DNAJC13: variants seen among roughly 807,000 people sequenced by gnomAD.
DNAJC13 encodes the protein DnaJ heat shock protein family (Hsp40) member C13, also known as dnaJ homolog subfamily C member 13.
Under a neutral mutation model 290.5 loss-of-function variants are expected in DNAJC13, and 75 were observed. The ratio of observed to expected loss-of-function variants is 0.26; its 90% CI spans 0.21 to 0.31. DNAJC13 has a LOEUF of 0.31. Ranked by LOEUF, DNAJC13 falls within the 10% of genes least tolerant of loss-of-function variation. The pLI is 1.00. For synonymous variants in DNAJC13, 862 were observed against 892.0 expected, an observed-to-expected ratio of 0.97 and a Z score of 0.60; for missense variants, 2,260 against 2,674.5, an observed-to-expected ratio of 0.85 and a Z score of 3.42.
At chr3:132,521,141 G>A (rs561580245) in intron 48 of DNAJC13, among the ~76,000 whole-genome samples, 1 of 152,254 alleles carries the variant, frequency 6.6e-6, no homozygotes, top group Non-Finnish European at 1.5e-5. Context: ...ACTCATGCCT[G>A]TAATCCCAGC....
chr3:132,462,777 C>A (rs571562189), intron 16 of DNAJC13, among the ~76,000 whole-genome samples: 22 of 152,260 alleles, frequency 1.4e-4, no homozygotes, highest in African/African-American at 5.3e-4. Flanking sequence ...ATTTTACTTA[C>A]TTAAAAGTTA....
chr3:132,449,263 C>T (rs1225125465), intron 5 of DNAJC13, among the ~76,000 whole-genome samples: 1 of 151,226 alleles, frequency 6.6e-6, no homozygotes, highest in Middle Eastern at 3.2e-3. Context: ...CAGGGTTTCT[C>T]AAAAGTCCTT....
intron 41 of DNAJC13, among the ~76,000 whole-genome samples, chr3:132,504,374 A>G (rs1307837267): frequency 1.3e-5 from 2 of 151,124 alleles, no homozygotes; most frequent in East Asian, 3.9e-4. Context: ...CTAGACGACC[A>G]GGGACCACTC....
chr3:132,478,421 G>A (rs1303154636), intron 24 of DNAJC13, among the ~76,000 whole-genome samples: 1 of 152,194 alleles, frequency 6.6e-6, no homozygotes, highest in Non-Finnish European at 1.5e-5. Context: ...TTGGACAGGT[G>A]TATAAAAGAA....
At chr3:132,460,450 T>TA (rs1933751995) in intron 14 of DNAJC13, 93 bp downstream of exon 14, 5 of 792,566 alleles carry the variant, frequency 6.3e-6, no homozygotes, top group Admixed American at 2.6e-5. Context: ...TTTTTTTTTT[T>TA]ATTGTAGCCC....
intron 16 of DNAJC13, 135 bp from the exon 17 acceptor site, chr3:132,463,561 T>G (rs1933878138): frequency 1.0e-6 from 1 of 962,640 alleles, no homozygotes; most frequent in South Asian, 2.1e-5. Flanking sequence ...TTTGGGTGAT[T>G]AGAAGATGCA....
intron 1 of DNAJC13, among the ~76,000 whole-genome samples, chr3:132,418,453 A>C (rs928581711): frequency 1.3e-5 from 2 of 151,968 alleles, no homozygotes; most frequent in Non-Finnish European, 2.9e-5. Flanking sequence ...CCTTCCCTTA[A>C]ATTTTCTCCT....
chr3:132,467,754 C>T (rs1035927261), intron 20 of DNAJC13, among the ~76,000 whole-genome samples: 2 of 152,090 alleles, frequency 1.3e-5, no homozygotes, highest in South Asian at 2.1e-4. Context: ...CGTGAGCCAC[C>T]GCACCCGGCC....
At chr3:132,516,289 TCA>T in intron 46 of DNAJC13, 131 bp from the exon 47 acceptor site, 1 of 808,530 alleles carries the variant, frequency 1.2e-6, no homozygotes, top group Non-Finnish European at 2.0e-6. Flanking sequence ...AATACCTGTC[TCA>T]CTGGTTATTA....
At chr3:132,522,198 T>G (rs1454025425) in intron 48 of DNAJC13, among the ~76,000 whole-genome samples, 1 of 152,148 alleles carries the variant, frequency 6.6e-6, no homozygotes, top group African/African-American at 2.4e-5. Flanking sequence ...GGAGAAGAGA[T>G]AAACGTGACG....
chr3:132,474,253 T>C (rs1934386643), intron 21 of DNAJC13: 1 of 152,244 alleles, frequency 6.6e-6, no homozygotes, highest in Non-Finnish European at 1.5e-5. Flanking sequence ...TTGTTTTTTG[T>C]TTTTTGAGAT....
chr3:132,475,497 T>C (rs1934440630), intron 22 of DNAJC13, among the ~76,000 whole-genome samples: 1 of 152,190 alleles, frequency 6.6e-6, no homozygotes, highest in Non-Finnish European at 1.5e-5. Context: ...TATTAAAATA[T>C]TGATGTGAAG....
At chr3:132,429,987 C>T (rs1294622881) in intron 1 of DNAJC13, among the ~76,000 whole-genome samples, 1 of 152,124 alleles carries the variant, frequency 6.6e-6, no homozygotes, top group Non-Finnish European at 1.5e-5. Context: ...ATGATATGAA[C>T]TTCTGGAGAA....
In DNAJC13 at chr3:132,479,332, A is replaced by G. The variant is rs375580187; in HGVS notation, c.2772+43A>G. ...ACATACATTGTTATTTCCAAGTCATATAAGTATGTAAGATAAACTCACAGT... is the reference window on the plus strand; with the variant it reads ...ACATACATTGTTATTTCCAAGTCATGTAAGTATGTAAGATAAACTCACAGT... On this transcript the variant is annotated intron_variant, in intron 25 of 55. Transcript: ENST00000260818. The G allele has an allele frequency of 2.1e-5, 27 of 1,311,400 alleles. 1 individual carries two copies. Among genetic ancestry groups the G allele is most frequent in the South Asian group, 3.6e-5 (3 of 83,230 alleles). The allele number at this position is 1,311,400 out of a possible 1,614,324, so 81.2% of individuals were successfully genotyped here. A position where few individuals can be genotyped will look rare whatever the true frequency, so the allele number is the denominator to read the frequency against.
chr3:132,456,588 A>C lies in DNAJC13; in HGVS notation c.1179+8A>C, dbSNP rs1933605711. The stretch of plus-strand genomic sequence containing the variant: ...CATGCAGTAACACAAGATGTAAGCT[A>C]AGTTTTATCATAATTGTTCATTGTT... On this transcript the variant is annotated splice_region_variant and intron_variant, in intron 11 of 55. Coordinates refer to ENST00000260818, the MANE Select transcript of DNAJC13 (RefSeq NM_015268.4). 6.2e-7 allele frequency: 1 copy of C among 1,613,456 alleles called. No individual in the cohort carries two copies. The highest frequency in any genetic ancestry group is 1.7e-5 in the Admixed American group (1 of 59,906).
intron 28 of DNAJC13, 141 bp from the exon 29 acceptor site, chr3:132,484,447 T>C (rs777758575): frequency 1.4e-6 from 1 of 691,740 alleles, no homozygotes; most frequent in Non-Finnish European, 2.5e-6. Flanking sequence ...TACCTAATCA[T>C]GTTCCCAGCT....
At chr3:132,528,448 G>T (rs1397956238) in intron 54 of DNAJC13, 116 bp downstream of exon 54, 2 of 1,301,040 alleles carry the variant, frequency 1.5e-6, no homozygotes, top group Non-Finnish European at 2.1e-6. Context: ...GGTTGTAACT[G>T]GAGAAGATCC....
At chr3:132,424,453 G>A (rs1315454023) in intron 1 of DNAJC13, among the ~76,000 whole-genome samples, 2 of 152,072 alleles carry the variant, frequency 1.3e-5, no homozygotes, top group East Asian at 3.8e-4. Flanking sequence ...CTCCCATTAA[G>A]TGTTTCTTCA....
intron 3 of DNAJC13, among the ~76,000 whole-genome samples, chr3:132,446,805 CT>C (rs1335389426): frequency 2.2e-4 from 34 of 152,072 alleles, no homozygotes; most frequent in African/African-American, 7.7e-4. Context: ...TGGCCACCTC[CT>C]TTATGTAAAA....
Sources: allele counts gnomAD v4.1 joint callset (sites outside exome capture counted in the v4.1 genomes callset), GRCh38; gene constraint gnomAD v4.1.1; transcripts MANE v1.5; gene names NCBI Gene and HGNC (gene_info 2026-07-23, HGNC 2026-07-21).